The following PLEKHH2 variants were observed in gnomAD, a reference collection of about 807,000 sequenced individuals.
PLEKHH2 encodes pleckstrin homology, MyTH4 and FERM domain containing H2.
In PLEKHH2, 129 loss-of-function variants were observed where a neutral mutation model predicts 187.9. The ratio of observed to expected loss-of-function variants is 0.69; its 90% confidence interval spans 0.59 to 0.79. PLEKHH2 has a LOEUF of 0.79. PLEKHH2 is among the 30% of genes least tolerant of loss of function. PLEKHH2 has a pLI of 0.00. For missense variants in PLEKHH2, 2,076 were observed against 1,751.2 expected (o/e 1.19, Z -3.31); for synonymous variants, 686 against 605.6 (o/e 1.13, Z -1.95).
At position 43,700,544 on chromosome 2, in the gene PLEKHH2, A is replaced by G; in HGVS notation, c.1586A>G (p.Asp529Gly). 1 of 1,613,758 alleles carries G rather than the reference A, an allele frequency of 6.2e-7. No homozygotes were observed. The highest frequency in any genetic ancestry group is 2.2e-5 in the East Asian group (1 of 44,888). ...SPNSDDQEHC[D>G]SAKKVAYSKP... ...AATTCAGATGACCAGGAACACTGTG[A>G]CTCAGCAAAGAAGGTGGCATACAGC... Residue 529 changes from aspartate (D) to glycine (G), a missense_variant, in exon 8 of 30, where the codon GAC (aspartate) becomes GGC (glycine). Transcript: ENST00000282406.
Position 43,742,665 on chromosome 2 carries a change from G to A in PLEKHH2, c.3222-76G>A, listed in dbSNP as rs1671619316. Reference sequence around the variant, plus strand: ...ATACATTGTGATAATGTACACGGATGCTTTCTTAATGGTTGCACATATTAG... The same window carrying A: ...ATACATTGTGATAATGTACACGGATACTTTCTTAATGGTTGCACATATTAG... On this transcript the variant is annotated intron_variant, in intron 21 of 29. Coordinates refer to ENST00000282406, the MANE Select transcript of PLEKHH2 (RefSeq NM_172069.4). The A allele has an allele frequency of 1.8e-6, 2 of 1,128,378 alleles. 1 individual carries two copies. The highest frequency in any genetic ancestry group is 4.0e-5 in the South Asian group (2 of 50,462). The allele number at this position is 1,128,378 out of a possible 1,614,324, so 69.9% of individuals were successfully genotyped here. A position where few individuals can be genotyped will look rare whatever the true frequency, so the allele number is the denominator to read the frequency against.
At chr2:43,671,423 T>C (rs1322765340) in intron 2 of PLEKHH2, among the ~76,000 whole-genome samples, 2 of 152,040 alleles carry the variant, frequency 1.3e-5, no homozygotes, top group Non-Finnish European at 2.9e-5. Flanking sequence ...CATCTGTGAA[T>C]AAATATTGCT....
intron 27 of PLEKHH2, among the ~76,000 whole-genome samples, chr2:43,759,495 C>T (rs1469332254): frequency 1.3e-5 from 2 of 152,228 alleles, no homozygotes. Flanking sequence ...GCAAATATCA[C>T]TATGAGTCAC....
chr2:43,681,050 AC>A, intron 3 of PLEKHH2: 3 of 1,292,604 alleles, frequency 2.3e-6, no homozygotes, highest in Non-Finnish European at 3.2e-6. Context: ...TCCTTCCTGT[AC>A]CATTATGATT....
intron 3 of PLEKHH2, among the ~76,000 whole-genome samples, chr2:43,683,899 T>A (rs2104442935): frequency 6.6e-6 from 1 of 152,278 alleles, no homozygotes; most frequent in East Asian, 1.9e-4. Flanking sequence ...AGTTTCAGAT[T>A]TACAGCAAAA....
intron 6 of PLEKHH2, among the ~76,000 whole-genome samples, chr2:43,695,733 G>C (rs895455704): frequency 6.6e-6 from 1 of 152,200 alleles, no homozygotes; most frequent in African/African-American, 2.4e-5. Context: ...GTGAGTTAGA[G>C]GTAGTTGTAT....
At chr2:43,719,727 C>T (rs924607852) in intron 15 of PLEKHH2, among the ~76,000 whole-genome samples, 3 of 152,298 alleles carry the variant, frequency 2.0e-5, no homozygotes, top group Middle Eastern at 3.4e-3. Flanking sequence ...CGTGAGCCAC[C>T]GCGCACAGCC....
At chr2:43,702,843 C>T (rs1417977638) in intron 8 of PLEKHH2, among the ~76,000 whole-genome samples, 2 of 152,074 alleles carry the variant, frequency 1.3e-5, no homozygotes, top group South Asian at 2.1e-4. Flanking sequence ...GCAGTACCTC[C>T]GATAGAAACA....
chr2:43,649,581 C>T (rs1328866401), intron 2 of PLEKHH2, among the ~76,000 whole-genome samples: 2 of 152,200 alleles, frequency 1.3e-5, no homozygotes, highest in African/African-American at 4.8e-5. Flanking sequence ...AGTACAATAT[C>T]ATGATTAACC....
At chr2:43,653,778 G>C (rs967194354) in intron 2 of PLEKHH2, among the ~76,000 whole-genome samples, 9 of 152,080 alleles carry the variant, frequency 5.9e-5, no homozygotes, top group African/African-American at 1.9e-4. Context: ...ATTTGGAGTT[G>C]AATTATTGAT....
At chr2:43,678,448 C>A (rs1242327277) in intron 2 of PLEKHH2, among the ~76,000 whole-genome samples, 1 of 152,242 alleles carries the variant, frequency 6.6e-6, no homozygotes, top group Admixed American at 6.5e-5. Context: ...GAGGCTCCGT[C>A]TGCAATCCCG....
chr2:43,747,594 C>G (rs1332524206), intron 24 of PLEKHH2, among the ~76,000 whole-genome samples: 2 of 152,166 alleles, frequency 1.3e-5, no homozygotes, highest in East Asian at 1.9e-4. Context: ...GATTTCCTTT[C>G]TTTCTTTTTA....
chr2:43,681,235 C>T, intron 3 of PLEKHH2: 4 of 656,930 alleles, frequency 6.1e-6, no homozygotes, highest in Non-Finnish European at 1.1e-5. Flanking sequence ...TTAAAGCGAT[C>T]TTTTTTCCAA....
intron 2 of PLEKHH2, among the ~76,000 whole-genome samples, chr2:43,645,253 G>T (rs1423933701): frequency 6.6e-6 from 1 of 152,036 alleles, no homozygotes; most frequent in East Asian, 1.9e-4. Flanking sequence ...GGCTAGAATT[G>T]AGTTTAAAAT....
In PLEKHH2 at chr2:43,759,148, A is replaced by G. The variant is rs1310889925; in HGVS notation, c.4071+119A>G. The G allele has an allele frequency of 2.9e-6, 4 of 1,381,704 alleles. No homozygotes were observed. In the African/African-American group the frequency reaches 5.8e-5, roughly 20 times the overall value. 85.6% of individuals were successfully genotyped at this position (1,381,704 alleles called of 1,614,324 possible). ...AAAATGAAGAAATATCCAATAATGT[A>G]AAGAAAACAATGAAGAGACACTAGA... On this transcript the variant is annotated intron_variant, in intron 27 of 29. Coordinates refer to ENST00000282406, the MANE Select transcript of PLEKHH2 (RefSeq NM_172069.4).
chr2:43,689,396 T>G (rs572933493), intron 3 of PLEKHH2, among the ~76,000 whole-genome samples: 1 of 152,352 alleles, frequency 6.6e-6, no homozygotes, highest in African/African-American at 2.4e-5. Flanking sequence ...GAGGGTTTAT[T>G]TAACAAGCAA....
Position 43,754,623 on chromosome 2 carries a change from A to G in PLEKHH2, c.3795+863A>G, listed in dbSNP as rs191580781. On this transcript the variant is annotated intron_variant, in intron 25 of 29. Coordinates refer to ENST00000282406, the MANE Select transcript of PLEKHH2 (RefSeq NM_172069.4). ...AAGGAGAGAATGGTCATAAGATGCAACCCATAGTCTCAACCACACCCAAGT... is the reference window on the plus strand; with the variant it reads ...AAGGAGAGAATGGTCATAAGATGCAGCCCATAGTCTCAACCACACCCAAGT... Among the ~76,000 whole-genome samples, 345 of 152,184 alleles carry G rather than the reference A, an allele frequency of 2.3e-3. 1 individual carries two copies. Among genetic ancestry groups the G allele is most frequent in the African/African-American group, 8.0e-3 (334 of 41,516 alleles).
At chr2:43,726,215 T>G (rs1198114268) in intron 16 of PLEKHH2, 57 bp from the exon 17 acceptor site, 1 of 1,214,604 alleles carries the variant, frequency 8.2e-7, no homozygotes, top group Non-Finnish European at 1.2e-6. Context: ...TATGAAATGT[T>G]TTAGTAGGAA....
Position 43,712,216 on chromosome 2 carries a change from G to A in PLEKHH2, c.2302-9G>A. 1.2e-6 allele frequency: 2 copies of A among 1,610,528 alleles called. No individual in the cohort carries two copies. The highest frequency in any genetic ancestry group is 1.7e-6 in the Non-Finnish European group (2 of 1,176,856). ...TTTTCTTTCCTATACCTTTCTCGTT[G>A]CATTCTAGTTGACCACTGAAAAACA... On this transcript the variant is annotated splice_polypyrimidine_tract_variant and intron_variant, in intron 14 of 29. Coordinates refer to ENST00000282406, the MANE Select transcript of PLEKHH2 (RefSeq NM_172069.4).
Sources: allele counts gnomAD v4.1 joint callset (sites outside exome capture counted in the v4.1 genomes callset), GRCh38; gene constraint gnomAD v4.1.1; transcripts MANE v1.5; gene names NCBI Gene and HGNC (gene_info 2026-07-23, HGNC 2026-07-21).